RPS6KC1: variants seen among roughly 807,000 people sequenced by gnomAD.
The protein encoded by RPS6KC1 is inactive ribosomal protein S6 kinase delta-1.
In RPS6KC1, 54 loss-of-function variants were observed where a neutral mutation model predicts 103.8. That is an observed-to-expected ratio of 0.52 (90% CI 0.42 to 0.65). The LOEUF (loss-of-function observed/expected upper bound fraction) is 0.65. RPS6KC1 is among the 30% of genes least tolerant of loss of function. The pLI, the probability that RPS6KC1 is intolerant of heterozygous loss-of-function variation, is 0.00. For missense variants in RPS6KC1, 1,151 were observed against 1,253.8 expected (o/e 0.92, Z 1.24); for synonymous variants, 439 against 438.7 (o/e 1.00, Z -0.01).
the RPS6KC1 span, among the ~76,000 whole-genome samples, chr1:213,590,528 G>T: frequency 3.3e-5 from 5 of 152,166 alleles, no homozygotes; most frequent in Non-Finnish European, 7.4e-5. Flanking sequence ...AAGCTGCGAG[G>T]CAATCTCAGC....
At chr1:213,523,515 A>G in the RPS6KC1 span, among the ~76,000 whole-genome samples, 1 of 152,248 alleles carries the variant, frequency 6.6e-6, no homozygotes, top group Non-Finnish European at 1.5e-5. Context: ...TGCCTATAAT[A>G]CACAATCTAC....
At chr1:213,533,801 A>T in the RPS6KC1 span, among the ~76,000 whole-genome samples, 2 of 152,232 alleles carry the variant, frequency 1.3e-5, no homozygotes, top group Admixed American at 6.5e-5. Context: ...CCTACCCAGC[A>T]ATTAGCTATA....
At chr1:213,222,369 A>G (rs1032066424) in intron 8 of RPS6KC1, among the ~76,000 whole-genome samples, 2 of 152,180 alleles carry the variant, frequency 1.3e-5, no homozygotes, top group African/African-American at 4.8e-5. Flanking sequence ...ATCCCTGTCA[A>G]ATTTTACTCT....
At chr1:213,629,457 T>C in the RPS6KC1 span, among the ~76,000 whole-genome samples, 2 of 152,202 alleles carry the variant, frequency 1.3e-5, no homozygotes, top group Admixed American at 6.5e-5. Context: ...TCCATCCCTT[T>C]ATTTTGAGCC....
At chr1:213,230,877 T>G (rs941137118) in intron 9 of RPS6KC1, among the ~76,000 whole-genome samples, 1 of 151,632 alleles carries the variant, frequency 6.6e-6, no homozygotes, top group Non-Finnish European at 1.5e-5. Context: ...AATTTATATG[T>G]TTAATGAATT....
chr1:213,724,736 T>TA, the RPS6KC1 span, among the ~76,000 whole-genome samples: 1 of 152,068 alleles, frequency 6.6e-6, no homozygotes, highest in African/African-American at 2.4e-5. Context: ...ACACCATCTC[T>TA]AAAAAAATAA....
the RPS6KC1 span, among the ~76,000 whole-genome samples, chr1:213,812,507 G>A: frequency 1.3e-5 from 2 of 152,120 alleles, no homozygotes; most frequent in South Asian, 4.1e-4. Flanking sequence ...CTATGTGCCC[G>A]AGTAGCCTAT....
the RPS6KC1 span, among the ~76,000 whole-genome samples, chr1:213,281,139 C>T: frequency 6.6e-6 from 1 of 152,144 alleles, no homozygotes. Context: ...GGAGAAGCAA[C>T]CCTCCAGCTG....
At chr1:213,671,184 T>C in the RPS6KC1 span, among the ~76,000 whole-genome samples, 2 of 152,182 alleles carry the variant, frequency 1.3e-5, no homozygotes, top group Non-Finnish European at 2.9e-5. Flanking sequence ...AATGGAATAG[T>C]ATTCAGCCTT....
the RPS6KC1 span, among the ~76,000 whole-genome samples, chr1:213,401,603 G>A: frequency 1.3e-5 from 2 of 152,086 alleles, no homozygotes; most frequent in Non-Finnish European, 2.9e-5. Context: ...TAAATGAAAT[G>A]TCTCCCATCC....
rs546303109 is a variant in RPS6KC1 at position 213,205,221 on chromosome 1, A to G, written c.1045-25276A>G. On this transcript the variant is annotated intron_variant, in intron 8 of 14. Transcript: ENST00000366960. ...CAATGTACTTTCTACTTTTTAATCT[A>G]CTCTACTGATTCATTAGTACACAGC... The G allele has an allele frequency of 5.1e-6, 5 of 982,932 alleles. No individual in the cohort carries two copies. In the East Asian group the frequency reaches 4.6e-4, roughly 90 times the overall value. 60.9% of individuals were successfully genotyped at this position (982,932 alleles called of 1,614,324 possible). A position where few individuals can be genotyped will look rare whatever the true frequency, so the allele number is the denominator to read the frequency against.
At chr1:213,502,233 A>G in the RPS6KC1 span, among the ~76,000 whole-genome samples, 6 of 152,330 alleles carry the variant, frequency 3.9e-5, no homozygotes, top group African/African-American at 1.4e-4. Flanking sequence ...TCCATCCTCT[A>G]TCTTAGAGTA....
the RPS6KC1 span, among the ~76,000 whole-genome samples, chr1:213,420,479 T>C: frequency 6.6e-6 from 1 of 152,166 alleles, no homozygotes. Context: ...CAACAATGCT[T>C]ACAGACAAGA....
the RPS6KC1 span, among the ~76,000 whole-genome samples, chr1:213,845,258 C>A: frequency 6.6e-6 from 1 of 152,152 alleles, no homozygotes; most frequent in African/African-American, 2.4e-5. Context: ...AAGTTTGAAT[C>A]TTCCCCCTTC....
At chr1:213,177,716 C>T (rs574289381) in intron 8 of RPS6KC1, among the ~76,000 whole-genome samples, 1 of 152,146 alleles carries the variant, frequency 6.6e-6, no homozygotes, top group South Asian at 2.1e-4. Flanking sequence ...TAGATGAAGA[C>T]AATATAGTAA....
the RPS6KC1 span, among the ~76,000 whole-genome samples, chr1:213,677,009 T>C: frequency 5.3e-5 from 8 of 152,178 alleles, no homozygotes; most frequent in Non-Finnish European, 7.3e-5. Flanking sequence ...GATAGATAGA[T>C]AGGAGAGAGG....
At chr1:213,519,083 A>G in the RPS6KC1 span, among the ~76,000 whole-genome samples, 1 of 152,216 alleles carries the variant, frequency 6.6e-6, no homozygotes, top group Non-Finnish European at 1.5e-5. Context: ...GGGGCAAGCA[A>G]GTGGGAAAAA....
chr1:213,579,744 A>G, the RPS6KC1 span, among the ~76,000 whole-genome samples: 2 of 152,178 alleles, frequency 1.3e-5, no homozygotes, highest in South Asian at 2.1e-4. Context: ...GCCCTTAAGA[A>G]TTATGTTAAA....
At chr1:213,678,104 G>A in the RPS6KC1 span, among the ~76,000 whole-genome samples, 1 of 152,134 alleles carries the variant, frequency 6.6e-6, no homozygotes, top group Non-Finnish European at 1.5e-5. Context: ...AACCGGCACA[G>A]GGCTATCAAC....
Sources: allele counts gnomAD v4.1 joint callset (sites outside exome capture counted in the v4.1 genomes callset), GRCh38; gene constraint gnomAD v4.1.1; transcripts MANE v1.5; gene names NCBI Gene and HGNC (gene_info 2026-07-23, HGNC 2026-07-21).